TGM7: variants seen among roughly 807,000 people sequenced by gnomAD.
TGM7 encodes transglutaminase 7.
A neutral mutation model predicts 79.5 loss-of-function variants in TGM7; 74 were observed. The ratio of observed to expected loss-of-function variants is 0.93; its 90% CI spans 0.77 to 1.13. The LOEUF (loss-of-function observed/expected upper bound fraction) is 1.13, where lower values mean the gene tolerates loss of function less well. TGM7 is among the 50% of genes most tolerant of loss of function. The pLI, the probability that TGM7 is intolerant of heterozygous loss-of-function variation, is 0.00. For missense variants in TGM7, 912 were observed against 905.9 expected (o/e 1.01, Z -0.09); for synonymous variants, 354 against 362.5 (o/e 0.98, Z 0.27).
intron 11 of TGM7, among the ~76,000 whole-genome samples, chr15:43,278,205 G>C (rs998802106): frequency 6.6e-6 from 1 of 152,240 alleles, no homozygotes; most frequent in Non-Finnish European, 1.5e-5. Context: ...TCCAGGTACA[G>C]AGCCAGGTTT....
intron 9 of TGM7, 99 bp from the exon 10 acceptor site, chr15:43,280,050 G>T: frequency 8.9e-7 from 1 of 1,119,968 alleles, no homozygotes. Context: ...AGCACAGGGA[G>T]GCGGCGCGGC....
chr15:43,283,602 A>G (rs1270082581), intron 7 of TGM7, among the ~76,000 whole-genome samples: 1 of 152,210 alleles, frequency 6.6e-6, no homozygotes, highest in Non-Finnish European at 1.5e-5. Flanking sequence ...TTTTAAAACC[A>G]GAGTGGCCCC....
At chr15:43,284,200 AAAAC>A (rs960227087) in intron 7 of TGM7, among the ~76,000 whole-genome samples, 1 of 152,210 alleles carries the variant, frequency 6.6e-6, no homozygotes, top group African/African-American at 2.4e-5. Context: ...CTCCATCTCA[AAAAC>A]AAACAAACCA....
chr15:43,291,840 T>C (rs1054176015), intron 4 of TGM7, 139 bp downstream of exon 4: 1 of 590,874 alleles, frequency 1.7e-6, no homozygotes, highest in Non-Finnish European at 3.0e-6. Flanking sequence ...GATGTGAAGC[T>C]GGCCAAGCCC....
intron 4 of TGM7, among the ~76,000 whole-genome samples, chr15:43,288,649 A>T (rs1369487427): frequency 1.3e-5 from 2 of 152,170 alleles, no homozygotes; most frequent in African/African-American, 4.8e-5. Context: ...TGCTTAAAAA[A>T]AAATTTGCCG....
At chr15:43,295,358 A>G (rs1468379035) in intron 1 of TGM7, among the ~76,000 whole-genome samples, 1 of 152,250 alleles carries the variant, frequency 6.6e-6, no homozygotes, top group African/African-American at 2.4e-5. Flanking sequence ...TGGGAGGCCA[A>G]GAAGGGTGAA....
chr15:43,292,766 G>A lies in TGM7; in HGVS notation c.382C>T (p.His128Tyr). The A allele has an allele frequency of 6.2e-7, 1 of 1,614,154 alleles. No individual in the cohort carries two copies. Among genetic ancestry groups the A allele is most frequent in the Non-Finnish European group, 8.5e-7 (1 of 1,180,034 alleles). Residue 128 changes from histidine (H) to tyrosine (Y), a missense_variant, in exon 3 of 13, where the codon CAC becomes TAC. Physicochemically the swap from His to Tyr is moderately conservative, Grantham distance 83. Transcript: ENST00000452443. ...LKIEISQGQG[H>Y]SVTYPLGTFI... ...GTTCCCAGCGGGTAAGTCACACTGT[G>A]ACCTTGGCCCTGAGAGATCTCTATT...
intron 1 of TGM7, among the ~76,000 whole-genome samples, chr15:43,299,883 T>A (rs758710377): frequency 6.6e-6 from 1 of 152,194 alleles, no homozygotes; most frequent in Non-Finnish European, 1.5e-5. Context: ...TGTGCCTCTT[T>A]TAGTGTGCAA....
rs2042986161 is a variant in TGM7 at position 43,295,136 on chromosome 15, G to T, written c.11-1505C>A. On this transcript the variant is annotated intron_variant, in intron 1 of 12. Transcript: ENST00000452443. ...CCAGGTTGATAGATTCTGATTTTTTGACCCAAATATTTTACTTTTCCATCT... is the reference window on the plus strand; with the variant it reads ...CCAGGTTGATAGATTCTGATTTTTTTACCCAAATATTTTACTTTTCCATCT... Among the ~76,000 whole-genome samples the T allele has an allele frequency of 2.6e-5, 4 of 152,000 alleles. No homozygotes were observed. In the South Asian group the frequency reaches 8.3e-4, roughly 32 times the overall value.
intron 1 of TGM7, among the ~76,000 whole-genome samples, chr15:43,298,055 A>G (rs939691860): frequency 1.2e-4 from 19 of 152,188 alleles, no homozygotes; most frequent in African/African-American, 4.3e-4. Flanking sequence ...TGTCTGAAAG[A>G]ATTTATGTTC....
Position 43,276,880 on chromosome 15 carries a change from T to C in TGM7, c.1955A>G (p.Asn652Ser), listed in dbSNP as rs746862637. ...TMVLEGSGLI[N>S]GQIAKDLGTL... ...CACTTACTCCTTTGCTATCTGCCCA[T>C]TGATGAGGCCGCTTCCTTCCAGCAC... is the stretch of plus-strand genomic sequence containing the variant. Residue 652 changes from asparagine (N) to serine (S), a missense_variant, in exon 12 of 13, where the codon AAT (asparagine) becomes AGT (serine). Coordinates refer to ENST00000452443, the MANE Select transcript of TGM7 (RefSeq NM_052955.3). The C allele has an allele frequency of 1.7e-5, 27 of 1,614,010 alleles. No individual in the cohort carries two copies. The highest frequency in any genetic ancestry group is 2.2e-5 in the South Asian group (2 of 91,076).
At chr15:43,295,193 T>G (rs1372650079) in intron 1 of TGM7, among the ~76,000 whole-genome samples, 2 of 152,252 alleles carry the variant, frequency 1.3e-5, no homozygotes, top group East Asian at 3.8e-4. Flanking sequence ...CCAGTCTTCA[T>G]CTAAGTAATC....
At chr15:43,302,090 G>T in intron 1 of TGM7, 151 bp downstream of exon 1, 1 of 851,970 alleles carries the variant, frequency 1.2e-6, no homozygotes, top group Non-Finnish European at 2.0e-6. Context: ...TGCAGATGGA[G>T]AAGTAAGAAG....
At chr15:43,277,151 C>T in intron 11 of TGM7, 156 bp from the exon 12 acceptor site, 1 of 945,274 alleles carries the variant, frequency 1.1e-6, no homozygotes, top group Middle Eastern at 3.3e-4. Context: ...GCTGAGAGTA[C>T]TTGAGATTAA....
chr15:43,277,973 T>A (rs2042886310), intron 11 of TGM7, among the ~76,000 whole-genome samples: 1 of 152,282 alleles, frequency 6.6e-6, no homozygotes, highest in Non-Finnish European at 1.5e-5. Context: ...TTGCCATGTT[T>A]GCTTCAGGTA....
At chr15:43,295,182 T>C (rs571440911) in intron 1 of TGM7, among the ~76,000 whole-genome samples, 49 of 152,234 alleles carry the variant, frequency 3.2e-4, no homozygotes, top group Non-Finnish European at 5.9e-4. Context: ...TAAACTGTCT[T>C]CCAGTCTTCA....
chr15:43,278,930 C>T (rs984288093), intron 11 of TGM7, among the ~76,000 whole-genome samples, 187 bp downstream of exon 11: 4 of 152,330 alleles, frequency 2.6e-5, no homozygotes, highest in Middle Eastern at 3.4e-3. Flanking sequence ...AAAAATAGCA[C>T]GTCCTTTGAG....
chr15:43,284,717 A>G, intron 7 of TGM7, 97 bp downstream of exon 7: 1 of 1,438,216 alleles, frequency 7.0e-7, no homozygotes, highest in Non-Finnish European at 9.7e-7. Context: ...GCTCAGGGCA[A>G]TCTTGCAATA....
At chr15:43,293,310 G>T in intron 2 of TGM7, 139 bp downstream of exon 2, 1 of 1,155,672 alleles carries the variant, frequency 8.7e-7, no homozygotes, top group Non-Finnish European at 1.2e-6. Context: ...ACAGGGTCCT[G>T]AGCATGAGGG....
Sources: allele counts gnomAD v4.1 joint callset (sites outside exome capture counted in the v4.1 genomes callset), GRCh38; gene constraint gnomAD v4.1.1; transcripts MANE v1.5; gene names NCBI Gene and HGNC (gene_info 2026-07-23, HGNC 2026-07-21).